The following KCNJ15 variants were observed in gnomAD, a reference collection of about 807,000 sequenced individuals.
KCNJ15 encodes ATP-sensitive inward rectifier potassium channel 15.
KCNJ15 carries 14 observed loss-of-function variants against 23.0 expected under a neutral mutation model. The ratio of observed to expected loss-of-function variants is 0.61; its 90% CI spans 0.40 to 0.95. The LOEUF is 0.95. KCNJ15 is among the 40% of genes least tolerant of loss of function. The pLI is 0.00. For missense variants in KCNJ15, 388 were observed against 461.8 expected, an observed-to-expected ratio of 0.84 and a Z score of 1.46; for synonymous variants, 185 against 183.2, an observed-to-expected ratio of 1.01 and a Z score of -0.08.
At chr21:38,274,800 G>T (rs1390355792) in intron 1 of KCNJ15, among the ~76,000 whole-genome samples, 1 of 152,092 alleles carries the variant, frequency 6.6e-6, no homozygotes, top group Non-Finnish European at 1.5e-5. Context: ...CCTTTCTCCA[G>T]TTCTTTTGCT....
upstream of KCNJ15, among the ~76,000 whole-genome samples, chr21:38,255,970 G>C (rs1980192143): frequency 6.6e-6 from 1 of 152,146 alleles, no homozygotes; most frequent in African/African-American, 2.4e-5. Flanking sequence ...GCGTCTCTTG[G>C]CATTGCCTTT....
chr21:38,288,714 T>C (rs1363855280), intron 1 of KCNJ15, among the ~76,000 whole-genome samples: 1 of 152,216 alleles, frequency 6.6e-6, no homozygotes, highest in Non-Finnish European at 1.5e-5. Context: ...GAGATAGATT[T>C]ACTTAAGGGA....
intron 1 of KCNJ15, among the ~76,000 whole-genome samples, chr21:38,276,723 T>A (rs945762427): frequency 1.3e-4 from 20 of 152,260 alleles, no homozygotes; most frequent in Middle Eastern, 6.8e-3. Context: ...AATAAAAGTT[T>A]AAAAAATTAT....
At chr21:38,273,859 C>T (rs1217297421) in intron 1 of KCNJ15, among the ~76,000 whole-genome samples, 3 of 152,232 alleles carry the variant, frequency 2.0e-5, no homozygotes, top group Non-Finnish European at 4.4e-5. Context: ...TCTCATTTTA[C>T]AGATGAGGAA....
At chr21:38,257,904 G>T (rs1980433896) in intron 1 of KCNJ15, among the ~76,000 whole-genome samples, 1 of 152,100 alleles carries the variant, frequency 6.6e-6, no homozygotes, top group African/African-American at 2.4e-5. Flanking sequence ...AAGGAAATAA[G>T]AATTTATTGT....
chr21:38,265,866 C>T (rs943946211), intron 1 of KCNJ15, among the ~76,000 whole-genome samples: 2 of 152,198 alleles, frequency 1.3e-5, no homozygotes, highest in South Asian at 2.1e-4. Flanking sequence ...GACCAGATCC[C>T]TTTGGGATGA....
At chr21:38,240,022 C>G (rs986207320) in intron 1 of KCNJ15, among the ~76,000 whole-genome samples, 1 of 141,036 alleles carries the variant, frequency 7.1e-6, no homozygotes, top group Non-Finnish European at 1.5e-5. Context: ...CTCTTAGCCT[C>G]TAGTTTTGGA....
intron 1 of KCNJ15, among the ~76,000 whole-genome samples, chr21:38,260,828 T>G (rs561104413): frequency 1.9e-4 from 29 of 152,152 alleles, no homozygotes; most frequent in Non-Finnish European, 4.0e-4. Context: ...TTCTGTTTGA[T>G]TCTGTCTCTC....
At chr21:38,231,904 G>A (rs567707751) in intron 1 of KCNJ15, among the ~76,000 whole-genome samples, 17 of 151,588 alleles carry the variant, frequency 1.1e-4, no homozygotes, top group South Asian at 2.1e-4. Flanking sequence ...GTTTATATTC[G>A]TAATAGATGT....
intron 1 of KCNJ15, among the ~76,000 whole-genome samples, chr21:38,289,390 A>T (rs888597452): frequency 1.3e-5 from 2 of 152,156 alleles, no homozygotes; most frequent in East Asian, 3.9e-4. Context: ...ATCCAGACAA[A>T]AATAGTGAGT....
chr21:38,260,949 G>A (rs933963581), intron 1 of KCNJ15, among the ~76,000 whole-genome samples: 3 of 152,154 alleles, frequency 2.0e-5, no homozygotes, highest in African/African-American at 7.2e-5. Context: ...GGCTGTGTAG[G>A]CCACTCATTC....
At chr21:38,238,183 T>G (rs1228902902) in intron 1 of KCNJ15, 1 of 435,182 alleles carries the variant, frequency 2.3e-6, no homozygotes, top group East Asian at 5.4e-5. Flanking sequence ...TTTAGTCAGT[T>G]GGGAAGCTCT....
intron 1 of KCNJ15, among the ~76,000 whole-genome samples, chr21:38,246,396 G>A (rs1184865721): frequency 6.6e-6 from 1 of 152,150 alleles, no homozygotes; most frequent in Non-Finnish European, 1.5e-5. Flanking sequence ...ATTAACTTTT[G>A]GAAGAATCTT....
chr21:38,260,823 T>G (rs1273586843), intron 1 of KCNJ15, among the ~76,000 whole-genome samples: 1 of 152,154 alleles, frequency 6.6e-6, no homozygotes. Context: ...CCAGGTTCTG[T>G]TTGATTCTGT....
chr21:38,296,239 A>G (rs1417642254), intron 1 of KCNJ15, among the ~76,000 whole-genome samples: 1 of 145,922 alleles, frequency 6.9e-6, no homozygotes, highest in Non-Finnish European at 1.5e-5. Context: ...GATATATAAT[A>G]AATGATAGAT....
chr21:38,232,331 C>G (rs1978332768), intron 1 of KCNJ15, among the ~76,000 whole-genome samples: 1 of 151,628 alleles, frequency 6.6e-6, no homozygotes, highest in South Asian at 2.1e-4. Flanking sequence ...TTTGAGTCTT[C>G]TCTCTTTTTT....
intron 1 of KCNJ15, among the ~76,000 whole-genome samples, chr21:38,280,157 G>A (rs1432698226): frequency 6.6e-6 from 1 of 152,186 alleles, no homozygotes; most frequent in African/African-American, 2.4e-5. Context: ...ACTAGTTTCA[G>A]AGGAAGCACC....
chr21:38,297,043 GCAT>G lies in KCNJ15; in HGVS notation c.-19+23_-19+25del, dbSNP rs1193336991. On this transcript the variant is annotated intron_variant, in intron 2 of 2. Coordinates refer to ENST00000398938, the MANE Select transcript of KCNJ15 (RefSeq NM_170736.3). Reference sequence around the variant, plus strand: ...GACCAGGTAGTAGACGGTTCTGAGGGCATCACACACTTGAGGGAGGGAGGAGGA... The same window carrying G: ...GACCAGGTAGTAGACGGTTCTGAGGGCACACACTTGAGGGAGGGAGGAGGA... 1.3e-5 allele frequency: 2 copies of G among 152,658 alleles called. No individual in the cohort carries two copies. The highest frequency in any genetic ancestry group is 2.4e-5 in the African/African-American group (1 of 41,388). The allele number at this position is 152,658 out of a possible 1,614,324, so 9.5% of individuals were successfully genotyped here. A position where few individuals can be genotyped will look rare whatever the true frequency, so the allele number is the denominator to read the frequency against.
At chr21:38,236,198 G>A (rs903416876) in intron 1 of KCNJ15, among the ~76,000 whole-genome samples, 2 of 152,206 alleles carry the variant, frequency 1.3e-5, no homozygotes, top group African/African-American at 2.4e-5. Context: ...AGGCAGGGAT[G>A]GTGAGTCTAG....
Sources: gnomAD v4.1 joint callset for allele counts (sites outside exome capture counted in the v4.1 genomes callset) on GRCh38, gnomAD v4.1.1 for gene constraint, MANE v1.5 for transcripts, NCBI Gene and HGNC (gene_info 2026-07-23, HGNC 2026-07-21) for gene names.